The following TRDN variants were observed in gnomAD, a reference collection of about 807,000 sequenced individuals.
The protein encoded by TRDN is triadin in skeletal muscle.
A neutral mutation model predicts 149.7 loss-of-function variants in TRDN; 161 were observed. The ratio of observed to expected loss-of-function variants is 1.08; its 90% CI spans 0.95 to 1.23. The LOEUF (loss-of-function observed/expected upper bound fraction) is 1.23. Among genes scored for constraint, TRDN ranks in the 50% most tolerant of loss-of-function variants. The pLI is 0.00. For missense variants in TRDN, 896 were observed against 823.5 expected (o/e 1.09, Z -1.08); for synonymous variants, 294 against 250.5 (o/e 1.17, Z -1.64).
intron 10 of TRDN, among the ~76,000 whole-genome samples, chr6:123,455,839 AT>A (rs1348003155): frequency 5.3e-5 from 8 of 152,176 alleles, no homozygotes; most frequent in African/African-American, 1.9e-4. Flanking sequence ...CTTACATAAA[AT>A]TACTGTTTCC....
At chr6:123,439,485 C>CG (rs1774758441) in intron 10 of TRDN, 1 of 152,390 alleles carries the variant, frequency 6.6e-6, no homozygotes, top group Non-Finnish European at 1.5e-5. Flanking sequence ...TCATATCTGG[C>CG]TCTTGCCAAC....
At chr6:123,455,399 G>T (rs1776048579) in intron 10 of TRDN, among the ~76,000 whole-genome samples, 1 of 141,172 alleles carries the variant, frequency 7.1e-6, no homozygotes, top group African/African-American at 2.7e-5. Context: ...AACAAAAAAG[G>T]CAACCACTGT....
intron 2 of TRDN, among the ~76,000 whole-genome samples, chr6:123,568,818 G>A (rs1362535939): frequency 6.6e-6 from 1 of 152,126 alleles, no homozygotes; most frequent in East Asian, 1.9e-4. Context: ...CTGTTGCAAG[G>A]GTCTCTGAAA....
chr6:123,223,527 G>A (rs1582737853), intron 39 of TRDN, among the ~76,000 whole-genome samples: 1 of 151,792 alleles, frequency 6.6e-6, no homozygotes, highest in Middle Eastern at 3.4e-3. Context: ...AATCAAGTTA[G>A]CTGAAGCCCT....
chr6:123,625,066 CT>C (rs3064015), intron 1 of TRDN, among the ~76,000 whole-genome samples: 9,843 of 144,280 alleles, frequency 0.068, 981 homozygotes, highest in African/African-American at 0.22. Context: ...CTTCCTGTCT[CT>C]TTTTTTTTTT....
At chr6:123,598,372 T>C (rs1302182964) in intron 1 of TRDN, among the ~76,000 whole-genome samples, 2 of 152,056 alleles carry the variant, frequency 1.3e-5, no homozygotes, top group Non-Finnish European at 2.9e-5. Flanking sequence ...TCCACTTCCA[T>C]ATTTAAGGCC....
chr6:123,479,255 T>C (rs1418617831), intron 9 of TRDN, among the ~76,000 whole-genome samples: 2 of 152,182 alleles, frequency 1.3e-5, no homozygotes, highest in Non-Finnish European at 2.9e-5. Context: ...GACCAAAGTA[T>C]TTATTTTCTT....
intron 9 of TRDN, among the ~76,000 whole-genome samples, chr6:123,495,717 G>T (rs1177473299): frequency 6.6e-6 from 1 of 151,856 alleles, no homozygotes; most frequent in African/African-American, 2.4e-5. Flanking sequence ...GTGTTGAGAG[G>T]TTCTCTTCAT....
chr6:123,490,136 A>G (rs1221782509), intron 9 of TRDN, among the ~76,000 whole-genome samples: 1 of 152,170 alleles, frequency 6.6e-6, no homozygotes, highest in Non-Finnish European at 1.5e-5. Context: ...AAGACAATGA[A>G]TTTTCTTAAA....
intron 24 of TRDN, among the ~76,000 whole-genome samples, chr6:123,311,565 T>A (rs1350972944): frequency 1.3e-5 from 2 of 151,942 alleles, no homozygotes; most frequent in East Asian, 3.9e-4. Flanking sequence ...ACCTAAGGTG[T>A]TGAAGTGGTC....
intron 19 of TRDN, among the ~76,000 whole-genome samples, chr6:123,369,169 G>A (rs539790168): frequency 1.3e-5 from 2 of 152,144 alleles, no homozygotes; most frequent in Admixed American, 6.5e-5. Context: ...TTGAAGCTGC[G>A]TTGCTGCAAT....
chr6:123,400,167 G>GTATGTATATATATATATA (rs1554232310), intron 12 of TRDN, among the ~76,000 whole-genome samples: 12 of 123,380 alleles, frequency 9.7e-5, no homozygotes, highest in African/African-American at 3.6e-4. Flanking sequence ...ATATGTATGT[G>GTATGTATATATATATATA]TATATATATA....
At chr6:123,226,977 G>C (rs1775398976) in intron 38 of TRDN, among the ~76,000 whole-genome samples, 1 of 151,820 alleles carries the variant, frequency 6.6e-6, no homozygotes, top group Non-Finnish European at 1.5e-5. Flanking sequence ...TATGAAAAAA[G>C]GCTAGAGACA....
chr6:123,281,595 G>T, intron 24 of TRDN, among the ~76,000 whole-genome samples: 1 of 151,966 alleles, frequency 6.6e-6, no homozygotes, highest in East Asian at 1.9e-4. Flanking sequence ...TAAGAAACAT[G>T]AATGGAAACA....
At chr6:123,251,998 AT>A (rs1408857778) in intron 38 of TRDN, among the ~76,000 whole-genome samples, 3 of 152,074 alleles carry the variant, frequency 2.0e-5, no homozygotes, top group African/African-American at 7.2e-5. Context: ...TAGATACACA[AT>A]TTTATTTAGG....
intron 1 of TRDN, among the ~76,000 whole-genome samples, chr6:123,622,090 C>G (rs1785413637): frequency 6.6e-6 from 1 of 152,052 alleles, no homozygotes; most frequent in Non-Finnish European, 1.5e-5. Flanking sequence ...ACTCCTTAAC[C>G]TCTTCTGCTT....
chr6:123,398,519 A>G (rs376970771), intron 12 of TRDN, among the ~76,000 whole-genome samples: 10 of 152,348 alleles, frequency 6.6e-5, no homozygotes, highest in African/African-American at 2.4e-4. Flanking sequence ...AAGAGCTGCT[A>G]AATCAAATTC....
At chr6:123,557,847 C>G (rs2114482372) in intron 2 of TRDN, among the ~76,000 whole-genome samples, 1 of 151,162 alleles carries the variant, frequency 6.6e-6, no homozygotes, top group East Asian at 2.0e-4. Flanking sequence ...TCTCTTTTCT[C>G]TGGACTTAGC....
At chr6:123,587,999 G>A (rs1783591157) in intron 1 of TRDN, among the ~76,000 whole-genome samples, 1 of 152,150 alleles carries the variant, frequency 6.6e-6, no homozygotes, top group South Asian at 2.1e-4. Flanking sequence ...TGGGCTCAGA[G>A]GCCTGACAAT....
Sources: allele counts gnomAD v4.1 joint callset (sites outside exome capture counted in the v4.1 genomes callset), GRCh38; gene constraint gnomAD v4.1.1; transcripts MANE v1.5; gene names NCBI Gene and HGNC (gene_info 2026-07-23, HGNC 2026-07-21).